PLCH1: variants seen among roughly 807,000 people sequenced by gnomAD.
PLCH1 encodes phospholipase C eta 1.
Under a neutral mutation model 126.7 loss-of-function variants are expected in PLCH1, and 60 were observed. The ratio of observed to expected loss-of-function variants is 0.47; its 90% CI spans 0.38 to 0.59. The LOEUF (loss-of-function observed/expected upper bound fraction) is 0.59, where lower values mean the gene tolerates loss of function less well. PLCH1 is among the 20% of genes least tolerant of loss of function. PLCH1 has a pLI of 0.00. For missense variants in PLCH1, 1,723 were observed against 2,040.0 expected (o/e 0.84, Z 2.99); for synonymous variants, 719 against 734.9 (o/e 0.98, Z 0.35).
At chr3:155,485,782 A>C (rs1576796263) in intron 21 of PLCH1, 72 bp from the exon 22 acceptor site, 1 of 913,548 alleles carries the variant, frequency 1.1e-6, no homozygotes. Context: ...TGAAAATGAC[A>C]GCTCCATGAA....
Position 155,488,094 on chromosome 3 carries a change from G to C in PLCH1, c.2553C>G (p.Val851=), listed in dbSNP as rs1287405041. The change falls in exon 21 of 23, where the codon GTC becomes GTG. Residue 851 remains valine, a synonymous_variant. Coordinates refer to ENST00000460012, the MANE Select transcript of PLCH1 (RefSeq NM_014996.4). ...ATGCTTCTGTCAGTCCTTCCAAATA[G>C]ACATGCCGGTAGCCTGATAAAAGGA... ...FSSLVPGYRH[V]YLEGLTEASI... 1.2e-6 allele frequency: 2 copies of C among 1,605,288 alleles called. No homozygotes were observed. The highest frequency in any genetic ancestry group is 4.5e-5 in the East Asian group (2 of 44,856).
intron 2 of PLCH1, among the ~76,000 whole-genome samples, chr3:155,609,784 G>A (rs1734811179): frequency 6.6e-6 from 1 of 151,742 alleles, no homozygotes; most frequent in Non-Finnish European, 1.5e-5. Context: ...AGAACAAGTA[G>A]AAGAAAAAAC....
intron 3 of PLCH1, 69 bp downstream of exon 3, chr3:155,596,163 A>G: frequency 8.8e-7 from 1 of 1,142,750 alleles, no homozygotes; most frequent in Non-Finnish European, 1.3e-6. Context: ...TGAAGCTTCA[A>G]GAGCCCACTC....
At chr3:155,469,459 A>G in intron 21 of PLCH1, among the ~76,000 whole-genome samples, 1 of 152,180 alleles carries the variant, frequency 6.6e-6, no homozygotes, top group Non-Finnish European at 1.5e-5. Context: ...CTAGCACAGC[A>G]GTCTGAGATC....
At chr3:155,576,869 A>G (rs1386616916) in intron 6 of PLCH1, among the ~76,000 whole-genome samples, 1 of 152,190 alleles carries the variant, frequency 6.6e-6, no homozygotes, top group Non-Finnish European at 1.5e-5. Context: ...TTAAATACAG[A>G]GCTATTTTCT....
chr3:155,701,246 TG>T, intron 2 of PLCH1, among the ~76,000 whole-genome samples: 1 of 152,332 alleles, frequency 6.6e-6, no homozygotes, highest in South Asian at 2.1e-4. Flanking sequence ...GTTCTGGGAT[TG>T]TGGGTAATAT....
chr3:155,601,136 G>A (rs1425877605), intron 2 of PLCH1, among the ~76,000 whole-genome samples: 3 of 152,050 alleles, frequency 2.0e-5, no homozygotes, highest in Middle Eastern at 3.4e-3. Context: ...CACCACGCCC[G>A]GCCAATTTTT....
intron 2 of PLCH1, among the ~76,000 whole-genome samples, chr3:155,623,115 A>T (rs1736734901): frequency 6.6e-6 from 1 of 152,228 alleles, no homozygotes; most frequent in African/African-American, 2.4e-5. Context: ...AAACTCCCTC[A>T]AAACCACACA....
chr3:155,654,409 G>A (rs1298392336), intron 2 of PLCH1, among the ~76,000 whole-genome samples: 3 of 151,958 alleles, frequency 2.0e-5, no homozygotes, highest in Non-Finnish European at 4.4e-5. Flanking sequence ...CTCTCCTGAG[G>A]TCAAGAATTG....
chr3:155,454,501 G>GA (rs1288359632), intron 21 of PLCH1, among the ~76,000 whole-genome samples: 6 of 151,594 alleles, frequency 4.0e-5, no homozygotes, highest in African/African-American at 1.5e-4. Context: ...AAATAAATAA[G>GA]AAAAAAAGAA....
intron 21 of PLCH1, among the ~76,000 whole-genome samples, chr3:155,486,524 T>TG (rs1402340507): frequency 1.4e-5 from 2 of 146,838 alleles, no homozygotes; most frequent in Non-Finnish European, 3.0e-5. Flanking sequence ...TTTTTTTTTT[T>TG]TTTTTTTTTT....
At chr3:155,564,054 C>T (rs1352787638) in intron 8 of PLCH1, among the ~76,000 whole-genome samples, 1 of 152,096 alleles carries the variant, frequency 6.6e-6, no homozygotes, top group African/African-American at 2.4e-5. Context: ...CCCAAGCAAT[C>T]CTCCCACCTC....
At chr3:155,577,352 G>A (rs1730114587) in intron 6 of PLCH1, among the ~76,000 whole-genome samples, 1 of 151,934 alleles carries the variant, frequency 6.6e-6, no homozygotes, top group Non-Finnish European at 1.5e-5. Flanking sequence ...ATTTTGTAAA[G>A]GTTTCAAGTG....
rs187535119 is a variant in PLCH1, at chr3:155,632,357, T to C, written c.80-35979A>G. Among the ~76,000 whole-genome samples the C allele has an allele frequency of 8.5e-5, 13 of 152,334 alleles. No individual in the cohort carries two copies. The East Asian group carries it at 2.5e-3, about 29-fold the overall frequency. The stretch of plus-strand genomic sequence containing the variant: ...CTTCTTTAAGTCAATTACCATGCTT[T>C]AATCCAGAATTTGGAATTATTCAGG... On this transcript the variant is annotated intron_variant, in intron 2 of 22. Coordinates refer to ENST00000460012, the MANE Select transcript of PLCH1 (RefSeq NM_014996.4).
intron 1 of PLCH1, among the ~76,000 whole-genome samples, chr3:155,711,348 C>G (rs1250253307): frequency 6.6e-6 from 1 of 152,062 alleles, no homozygotes; most frequent in East Asian, 1.9e-4. Flanking sequence ...TTGTAGTTAA[C>G]ACGACCAAAA....
intron 2 of PLCH1, among the ~76,000 whole-genome samples, chr3:155,696,290 C>T (rs572672116): frequency 3.3e-5 from 5 of 152,150 alleles, no homozygotes; most frequent in Admixed American, 6.5e-5. Flanking sequence ...ACTTCATCCA[C>T]GTGGTAAGAA....
intron 1 of PLCH1, among the ~76,000 whole-genome samples, chr3:155,711,573 C>G (rs1559956323): frequency 2.0e-5 from 3 of 152,208 alleles, no homozygotes; most frequent in Non-Finnish European, 4.4e-5. Context: ...AACTCCACCA[C>G]AGTGGACATC....
At chr3:155,723,703 C>G (rs1047793276) in intron 1 of PLCH1, among the ~76,000 whole-genome samples, 2 of 152,068 alleles carry the variant, frequency 1.3e-5, no homozygotes, top group African/African-American at 4.8e-5. Context: ...TGCTTAAAAT[C>G]CCAGCATTTT....
intron 8 of PLCH1, among the ~76,000 whole-genome samples, chr3:155,560,540 T>C (rs1335503632): frequency 6.6e-6 from 1 of 152,200 alleles, no homozygotes; most frequent in Admixed American, 6.5e-5. Context: ...TTTGTAGTCA[T>C]CCTAATGTTT....
Sources: allele counts gnomAD v4.1 joint callset (sites outside exome capture counted in the v4.1 genomes callset), GRCh38; gene constraint gnomAD v4.1.1; transcripts MANE v1.5; gene names NCBI Gene and HGNC (gene_info 2026-07-23, HGNC 2026-07-21).